Variants in SGSM1 observed in about 807,000 individuals in gnomAD.
The protein encoded by SGSM1 is RUN and TBC1 domain containing 2.
In SGSM1, 73 loss-of-function variants were observed where a neutral mutation model predicts 133.8. That is an observed-to-expected ratio of 0.55 (90% CI 0.45 to 0.66). The LOEUF (loss-of-function observed/expected upper bound fraction) is 0.66, where lower values mean the gene tolerates loss of function less well. Among genes scored for constraint, SGSM1 ranks in the 30% least tolerant of loss-of-function variants. The pLI is 0.00. For missense variants in SGSM1, 1,213 were observed against 1,448.1 expected (o/e 0.84, Z 2.64); for synonymous variants, 563 against 573.0 (o/e 0.98, Z 0.25).
Position 24,893,553 on chromosome 22 carries a change from G to A in SGSM1, c.1893G>A (p.Gly631=), listed in dbSNP as rs768437047. Residue 631 remains glycine (G), a synonymous_variant, in exon 17 of 25, where the codon GGG becomes GGA. Transcript: ENST00000400358. ...CCGCCCTGGCCAAATGCTCATCCGG[G>A]GCCAGCTTGGACAGCCACCTGCACC... The part of the protein sequence containing the change: ...HAAALAKCSS[G]ASLDSHLHRM... The A allele has an allele frequency of 1.4e-5, 22 of 1,604,422 alleles. No homozygotes were observed. The Admixed American group carries it at 3.8e-4, about 27-fold the overall frequency.
At chr22:24,871,808 G>A (rs970398301) in intron 12 of SGSM1, among the ~76,000 whole-genome samples, 3 of 152,162 alleles carry the variant, frequency 2.0e-5, no homozygotes, top group Non-Finnish European at 4.4e-5. Flanking sequence ...AATGGCAACC[G>A]CATCCTTGGT....
chr22:24,886,262 G>A (rs1932593358), intron 15 of SGSM1, among the ~76,000 whole-genome samples: 1 of 151,660 alleles, frequency 6.6e-6, no homozygotes, highest in African/African-American at 2.4e-5. Context: ...TTAGCTGGAT[G>A]TGGTGGCAAG....
chr22:24,895,387 T>G, intron 18 of SGSM1, 96 bp downstream of exon 18: 5 of 1,283,372 alleles, frequency 3.9e-6, no homozygotes, highest in Non-Finnish European at 5.5e-6. Context: ...GGTCACTTTT[T>G]GCTTTATTTG....
chr22:24,836,026 G>A (rs2147817999), intron 2 of SGSM1, among the ~76,000 whole-genome samples: 1 of 152,216 alleles, frequency 6.6e-6, no homozygotes, highest in East Asian at 1.9e-4. Context: ...TCAGTCTTGA[G>A]TACATTTACA....
At chr22:24,876,859 T>C in intron 13 of SGSM1, 144 bp downstream of exon 13, 1 of 1,098,936 alleles carries the variant, frequency 9.1e-7, no homozygotes, top group Non-Finnish European at 1.3e-6. Flanking sequence ...GGCCATGAAA[T>C]CCTAGCTGTT....
In SGSM1 at chr22:24,908,939, G is replaced by A. The variant is rs1020599026; in HGVS notation, c.2819-3704G>A. Among the ~76,000 whole-genome samples the A allele has an allele frequency of 5.3e-5, 8 of 152,140 alleles. 1 individual carries two copies. Among genetic ancestry groups the A allele is most frequent in the African/African-American group, 1.9e-4 (8 of 41,432 alleles). ...AGCACATTAAGGGATGCTCTACATC[G>A]GGGCCCCAAGCCCTGTGCCACAGAC... is the stretch of plus-strand genomic sequence containing the variant. On this transcript the variant is annotated intron_variant, in intron 21 of 24. Transcript: ENST00000400358.
intron 3 of SGSM1, among the ~76,000 whole-genome samples, chr22:24,846,814 A>C (rs139269838): frequency 6.6e-6 from 1 of 152,192 alleles, no homozygotes; most frequent in African/African-American, 2.4e-5. Flanking sequence ...AGATTAGGCA[A>C]TATTTGTTTT....
At chr22:24,915,048 G>A (rs2123740817) in intron 22 of SGSM1, among the ~76,000 whole-genome samples, 1 of 152,222 alleles carries the variant, frequency 6.6e-6, no homozygotes, top group Middle Eastern at 3.4e-3. Flanking sequence ...CTAACACGGT[G>A]AAACCCCGTC....
chr22:24,898,084 C>G lies in SGSM1; in HGVS notation c.2135C>G (p.Ser712Trp), dbSNP rs371238022. The G allele has an allele frequency of 6.2e-7, 1 of 1,613,968 alleles. No homozygotes were observed. Among genetic ancestry groups the G allele is most frequent in the African/African-American group, 1.3e-5 (1 of 75,042 alleles). ...GTGAACGGCACTTGTTCCCCAGACTCGGGTCATCCTTCCTCCCATAACTTC... is the reference window on the plus strand; with the variant it reads ...GTGAACGGCACTTGTTCCCCAGACTGGGGTCATCCTTCCTCCCATAACTTC... Reference protein sequence around the residue: ...NLVNGTCSPDSGHPSSHNFSS... With the variant: ...NLVNGTCSPDWGHPSSHNFSS... Residue 712 changes from serine (S) to tryptophan (W), a missense_variant, in exon 19 of 25, where the codon TCG becomes TGG. Ser to Trp is a radical substitution (Grantham distance 177, BLOSUM62 -3). Transcript: ENST00000400358.
intron 22 of SGSM1, among the ~76,000 whole-genome samples, chr22:24,915,056 G>T (rs971481682): frequency 2.0e-5 from 3 of 152,050 alleles, no homozygotes; most frequent in Admixed American, 6.6e-5. Context: ...GTGAAACCCC[G>T]TCTCTACTAA....
At chr22:24,859,531 C>T (rs1931001690) in intron 8 of SGSM1, 185 bp from the exon 9 acceptor site, 1 of 777,588 alleles carries the variant, frequency 1.3e-6, no homozygotes, top group Admixed American at 2.1e-5. Context: ...AGGCTGGCTG[C>T]AAATGGCTTT....
chr22:24,872,491 A>T (rs1353325986), intron 12 of SGSM1, among the ~76,000 whole-genome samples: 2 of 145,072 alleles, frequency 1.4e-5, no homozygotes, highest in Non-Finnish European at 1.5e-5. Context: ...AGACTTTGTT[A>T]AAAAAAAAAG....
intron 21 of SGSM1, among the ~76,000 whole-genome samples, chr22:24,908,132 C>T (rs1933472628): frequency 6.6e-6 from 1 of 151,744 alleles, no homozygotes; most frequent in African/African-American, 2.4e-5. Context: ...ACAGTCTTCT[C>T]AACTTATGGT....
intron 9 of SGSM1, among the ~76,000 whole-genome samples, chr22:24,861,999 G>C (rs1176690064): frequency 6.8e-6 from 1 of 148,058 alleles, no homozygotes; most frequent in East Asian, 2.0e-4. Flanking sequence ...TTGTTGCCCA[G>C]GCTGGAGTGC....
rs2123762411 is a variant in SGSM1, at chr22:24,926,583, A to G, written c.*2309A>G. Reference sequence around the variant, plus strand: ...GACTAGTCTCAAAGTACAGCACAAAATCTCTTCTCTGCCTTCTCTTGTGAT... The same window carrying G: ...GACTAGTCTCAAAGTACAGCACAAAGTCTCTTCTCTGCCTTCTCTTGTGAT... On this transcript the variant is annotated 3_prime_UTR_variant, in exon 25 of 25. Transcript: ENST00000400358. The G allele has an allele frequency of 6.6e-6, 1 of 152,072 alleles. No individual in the cohort carries two copies. The highest frequency in any genetic ancestry group is 2.4e-5 in the African/African-American group (1 of 41,480). 9.4% of individuals were successfully genotyped at this position (152,072 alleles called of 1,614,324 possible). A position where few individuals can be genotyped will look rare whatever the true frequency, so the allele number is the denominator to read the frequency against.
At position 24,806,477 on chromosome 22, in the gene SGSM1, A is replaced by G; in HGVS notation, c.56A>G (p.Lys19Arg). The stretch of plus-strand genomic sequence containing the variant: ...CGACAGAGGCTGCTACGCACCGTCA[A>G]GAAGGAGGTGGGTGCCGGGGTGGGG... ...ETRQRLLRTV[K>R]KEVKQIMEEA... The change falls in exon 2 of 25, where the codon AAG (lysine) becomes AGG (arginine). Residue 19 changes from lysine (K) to arginine (R), a missense_variant. Physicochemically the swap from Lys to Arg is conservative, Grantham distance 26. Transcript: ENST00000400358. 6.6e-7 allele frequency: 1 copy of G among 1,515,730 alleles called. No homozygotes were observed. The highest frequency in any genetic ancestry group is 1.2e-5 in the South Asian group (1 of 80,808). The allele number at this position is 1,515,730 out of a possible 1,614,324, so 93.9% of individuals were successfully genotyped here.
At chr22:24,898,798 G>C (rs565469699) in intron 19 of SGSM1, among the ~76,000 whole-genome samples, 4 of 151,850 alleles carry the variant, frequency 2.6e-5, no homozygotes, top group Non-Finnish European at 5.9e-5. Flanking sequence ...GAGGCTGAGG[G>C]GGGTGGATCA....
At chr22:24,809,073 C>T (rs1379710824) in intron 2 of SGSM1, among the ~76,000 whole-genome samples, 3 of 152,134 alleles carry the variant, frequency 2.0e-5, no homozygotes, top group African/African-American at 7.2e-5. Context: ...GAACAGGTTC[C>T]GTTCTTCTGT....
chr22:24,890,174 T>C (rs1217263696), intron 16 of SGSM1, among the ~76,000 whole-genome samples: 3 of 152,026 alleles, frequency 2.0e-5, no homozygotes, highest in Non-Finnish European at 2.9e-5. Flanking sequence ...GATAGGATGG[T>C]CTCGATCTCC....
Sources: gnomAD v4.1 joint callset for allele counts (sites outside exome capture counted in the v4.1 genomes callset) on GRCh38, gnomAD v4.1.1 for gene constraint, MANE v1.5 for transcripts, NCBI Gene and HGNC (gene_info 2026-07-23, HGNC 2026-07-21) for gene names.